The following DGKB variants were observed in gnomAD, a reference collection of about 807,000 sequenced individuals.
DGKB encodes diacylglycerol kinase beta, also known as 90 kDa diacylglycerol kinase.
Under a neutral mutation model 114.3 loss-of-function variants are expected in DGKB, and 67 were observed. The observed-to-expected ratio is 0.59, with a 90% CI of 0.48 to 0.72. DGKB has a LOEUF of 0.72. Ranked by LOEUF, DGKB falls within the 30% of genes least tolerant of loss-of-function variation. The pLI is 0.00. For missense variants in DGKB, 907 were observed against 975.2 expected, an observed-to-expected ratio of 0.93 and a Z score of 0.93; for synonymous variants, 398 against 323.1, an observed-to-expected ratio of 1.23 and a Z score of -2.49.
intron 20 of DGKB, among the ~76,000 whole-genome samples, chr7:14,500,092 T>G (rs1054851489): frequency 6.6e-6 from 1 of 151,880 alleles, no homozygotes; most frequent in African/African-American, 2.4e-5. Context: ...CTTTACATAT[T>G]TTTATGTTCC....
chr7:14,369,842 T>A (rs866329376), intron 21 of DGKB, among the ~76,000 whole-genome samples: 3 of 152,224 alleles, frequency 2.0e-5, no homozygotes, highest in Non-Finnish European at 4.4e-5. Flanking sequence ...ATGGATAGAC[T>A]GCAGAAATTT....
At chr7:14,829,706 T>A (rs748521870) in intron 2 of DGKB, among the ~76,000 whole-genome samples, 1 of 152,028 alleles carries the variant, frequency 6.6e-6, no homozygotes, top group Non-Finnish European at 1.5e-5. Context: ...GTAGATAAGG[T>A]AACAAGAGGA....
At chr7:14,710,216 T>C (rs536022983) in intron 6 of DGKB, among the ~76,000 whole-genome samples, 1 of 152,232 alleles carries the variant, frequency 6.6e-6, no homozygotes, top group East Asian at 1.9e-4. Flanking sequence ...TTGTTCTGTA[T>C]AGAGACCTTT....
intron 21 of DGKB, among the ~76,000 whole-genome samples, chr7:14,469,912 C>T (rs1781026670): frequency 1.3e-5 from 2 of 151,688 alleles, no homozygotes; most frequent in South Asian, 4.1e-4. Context: ...ATCACAAATA[C>T]ATATATGTAT....
chr7:14,962,382 T>C (rs1336128600), intron 1 of DGKB, among the ~76,000 whole-genome samples: 1 of 152,156 alleles, frequency 6.6e-6, no homozygotes, highest in Non-Finnish European at 1.5e-5. Context: ...AACATAAGCA[T>C]TGTGTTGCCT....
intron 13 of DGKB, among the ~76,000 whole-genome samples, chr7:14,645,803 T>C (rs1035726366): frequency 6.6e-6 from 1 of 151,960 alleles, no homozygotes; most frequent in Non-Finnish European, 1.5e-5. Flanking sequence ...AGGGAATTCA[T>C]CATCACCAGA....
At chr7:14,690,013 C>A (rs1295609990) in intron 9 of DGKB, among the ~76,000 whole-genome samples, 2 of 152,116 alleles carry the variant, frequency 1.3e-5, no homozygotes, top group African/African-American at 2.4e-5. Context: ...CATCCAGAAA[C>A]CATGCAGGCT....
intron 2 of DGKB, among the ~76,000 whole-genome samples, chr7:14,830,505 A>C (rs146640878): frequency 0.011 from 1,661 of 152,258 alleles, 22 homozygotes; most frequent in Admixed American, 0.018. Flanking sequence ...AGCTGTAGTT[A>C]CTAGCATTTT....
At chr7:14,864,447 C>T (rs1314523033) in intron 1 of DGKB, among the ~76,000 whole-genome samples, 1 of 152,066 alleles carries the variant, frequency 6.6e-6, no homozygotes, top group Admixed American at 6.6e-5. Context: ...TAGCATGTTA[C>T]CACATTCTAG....
At chr7:14,156,055 G>A (rs1187111638) in intron 25 of DGKB, among the ~76,000 whole-genome samples, 1 of 152,120 alleles carries the variant, frequency 6.6e-6, no homozygotes, top group African/African-American at 2.4e-5. Flanking sequence ...AGTGCAGCAG[G>A]AGAATACAAA....
intron 13 of DGKB, among the ~76,000 whole-genome samples, chr7:14,661,986 A>C (rs1361961261): frequency 1.3e-5 from 2 of 152,060 alleles, no homozygotes; most frequent in African/African-American, 4.8e-5. Context: ...ATTCTCACTC[A>C]TAGGTGGGAA....
intron 1 of DGKB, among the ~76,000 whole-genome samples, chr7:14,950,184 A>T (rs1162255564): frequency 6.6e-6 from 1 of 151,940 alleles, no homozygotes; most frequent in Admixed American, 6.6e-5. Flanking sequence ...AGAATCTTGA[A>T]AGCAGATAGA....
At chr7:14,936,528 C>T (rs1426590381) in intron 1 of DGKB, among the ~76,000 whole-genome samples, 2 of 152,046 alleles carry the variant, frequency 1.3e-5, no homozygotes, top group African/African-American at 4.8e-5. Context: ...CCTTAAATGT[C>T]TCAAATGCCT....
intron 2 of DGKB, among the ~76,000 whole-genome samples, chr7:14,761,898 G>A (rs1404677281): frequency 6.6e-6 from 1 of 152,166 alleles, no homozygotes; most frequent in African/African-American, 2.4e-5. Flanking sequence ...GAGCTGGACA[G>A]ATGCGCAGCA....
chr7:14,147,635 T>C lies in DGKB; in HGVS notation c.*1496A>G, dbSNP rs965928847. 2.6e-5 allele frequency: 4 copies of C among 152,514 alleles called. No individual in the cohort carries two copies. The highest frequency in any genetic ancestry group is 4.8e-5 in the African/African-American group (2 of 41,454). 9.4% of individuals were successfully genotyped at this position (152,514 alleles called of 1,614,324 possible). On this transcript the variant is annotated 3_prime_UTR_variant, in exon 26 of 26. Transcript: ENST00000402815. ...TAGAACCGATAAATCATTAGCACTT[T>C]AATGCAGAGTGGAGAGAAACTAATA...
At chr7:14,338,339 T>A (rs953268114) in intron 23 of DGKB, among the ~76,000 whole-genome samples, 176 bp downstream of exon 23, 1 of 152,152 alleles carries the variant, frequency 6.6e-6, no homozygotes, top group Non-Finnish European at 1.5e-5. Flanking sequence ...CAATTTATAC[T>A]TGAGTTAGAA....
At chr7:14,654,941 G>A (rs918541310) in intron 13 of DGKB, among the ~76,000 whole-genome samples, 1 of 151,846 alleles carries the variant, frequency 6.6e-6, no homozygotes, top group African/African-American at 2.4e-5. Flanking sequence ...AAAAAACAGA[G>A]GGGGATTTCT....
chr7:14,805,509 G>T (rs1465794060), intron 2 of DGKB, among the ~76,000 whole-genome samples: 7 of 151,880 alleles, frequency 4.6e-5, no homozygotes, highest in Admixed American at 1.3e-4. Context: ...ACTTTTCATG[G>T]TTTTTTTCAG....
chr7:14,922,216 C>G (rs984577129), intron 1 of DGKB, among the ~76,000 whole-genome samples: 2 of 151,940 alleles, frequency 1.3e-5, no homozygotes, highest in African/African-American at 2.4e-5. Flanking sequence ...ATTAAAAAGG[C>G]TAAACCAGAG....
Sources: allele counts gnomAD v4.1 joint callset (sites outside exome capture counted in the v4.1 genomes callset), GRCh38; gene constraint gnomAD v4.1.1; transcripts MANE v1.5; gene names NCBI Gene and HGNC (gene_info 2026-07-23, HGNC 2026-07-21).